The following SHROOM4 variants were observed in gnomAD, a reference collection of about 807,000 sequenced individuals.
SHROOM4 encodes the protein shroom family member 4.
SHROOM4 carries 17 observed loss-of-function variants against 80.3 expected under a neutral mutation model. The ratio of observed to expected loss-of-function variants is 0.21; its 90% confidence interval spans 0.14 to 0.32. The LOEUF is 0.32. SHROOM4 is among the 10% of genes least tolerant of loss of function. The pLI is 1.00. For missense variants in SHROOM4, 993 were observed against 1,140.3 expected (o/e 0.87, Z 1.86); for synonymous variants, 400 against 437.5 (o/e 0.91, Z 1.07).
At chrX:50,623,664 ACT>A (rs1205597415) in intron 5 of SHROOM4, among the ~76,000 whole-genome samples, 6 of 111,464 alleles carry the variant, frequency 5.4e-5, no homozygotes, top group African/African-American at 2.0e-4. Context: ...CAGCAATTTC[ACT>A]CTTAAATATG....
intron 2 of SHROOM4, among the ~76,000 whole-genome samples, chrX:50,675,934 C>T (rs1359651282): frequency 8.9e-6 from 1 of 111,748 alleles, no homozygotes; most frequent in Non-Finnish European, 1.9e-5. Context: ...ACTCCCTTCT[C>T]TTCTATCTCC....
intron 1 of SHROOM4, among the ~76,000 whole-genome samples, chrX:50,802,407 CA>C (rs1569549289): frequency 8.9e-6 from 1 of 111,926 alleles, no homozygotes; most frequent in Non-Finnish European, 1.9e-5. Context: ...TCAGAAGATC[CA>C]AAACTGAACT....
chrX:50,808,229 C>T (rs1936267400), intron 1 of SHROOM4, among the ~76,000 whole-genome samples: 1 of 112,200 alleles, frequency 8.9e-6, no homozygotes, highest in African/African-American at 3.2e-5. Flanking sequence ...CCAGAGGATA[C>T]AGCTAGGACC....
chrX:50,752,784 C>T (rs975432558), intron 1 of SHROOM4, among the ~76,000 whole-genome samples: 2 of 111,726 alleles, frequency 1.8e-5, no homozygotes, highest in Non-Finnish European at 3.8e-5. Context: ...GCCTACAGGC[C>T]CCATTAATTT....
chrX:50,809,698 C>T lies in SHROOM4; in HGVS notation c.117+4204G>A, dbSNP rs1486793304. Among the ~76,000 whole-genome samples the T allele has an allele frequency of 8.0e-5, 9 of 112,276 alleles. No homozygotes were observed. The East Asian group carries it at 2.3e-3, about 28-fold the overall frequency. ...CCAGGGCAGTAACTAGCCCCACTTG[C>T]TTCACTATGCCAGATAGAAACATCT... On this transcript the variant is annotated intron_variant, in intron 1 of 8. Transcript: ENST00000376020.
chrX:50,756,481 CAT>C (rs1935041703), intron 1 of SHROOM4, among the ~76,000 whole-genome samples: 1 of 112,193 alleles, frequency 8.9e-6, no homozygotes, highest in African/African-American at 3.2e-5. Flanking sequence ...TTTGTGCAGA[CAT>C]ATGTTTTCAT....
At chrX:50,728,372 GA>G (rs1259548673) in intron 1 of SHROOM4, among the ~76,000 whole-genome samples, 1 of 110,554 alleles carries the variant, frequency 9.0e-6, no homozygotes, top group Non-Finnish European at 1.9e-5. Context: ...AAAAGAAAAA[GA>G]AAAAAAAGAA....
intron 1 of SHROOM4, among the ~76,000 whole-genome samples, chrX:50,730,832 A>G (rs1365020406): frequency 9.0e-6 from 1 of 111,253 alleles, no homozygotes; most frequent in African/African-American, 3.3e-5. Context: ...TGGGCCTATA[A>G]CATATAGAAA....
intron 1 of SHROOM4, among the ~76,000 whole-genome samples, chrX:50,785,925 T>C (rs1462723650): frequency 9.0e-6 from 1 of 111,604 alleles, no homozygotes; most frequent in African/African-American, 3.3e-5. Context: ...AAAATCAGTA[T>C]CCTGAGTGAC....
chrX:50,602,546 G>T, intron 7 of SHROOM4, 87 bp downstream of exon 7: 1 of 951,003 alleles, frequency 1.1e-6, no homozygotes, highest in Non-Finnish European at 1.5e-6. Flanking sequence ...AATGCGAGAT[G>T]TTCTAGAGAG....
chrX:50,596,535 T>A lies in SHROOM4; in HGVS notation c.*160A>T. ...GCTTCCCCAGGGTCTCCTAGCTGGTTAGGACCACTGCTAGGGAAGGGGTAG... is the reference window on the plus strand; with the variant it reads ...GCTTCCCCAGGGTCTCCTAGCTGGTAAGGACCACTGCTAGGGAAGGGGTAG... On this transcript the variant is annotated 3_prime_UTR_variant, in exon 9 of 9. Coordinates refer to ENST00000376020, the MANE Select transcript of SHROOM4 (RefSeq NM_020717.5). 3 of 724,922 alleles carry A rather than the reference T, an allele frequency of 4.1e-6. No homozygotes were observed. The highest frequency in any genetic ancestry group is 6.2e-6 in the Non-Finnish European group (3 of 480,080). The allele number at this position is 724,922 out of a possible 1,213,427, so 59.7% of individuals were successfully genotyped here.
At chrX:50,580,552 C>G in the SHROOM4 span, among the ~76,000 whole-genome samples, 1 of 112,028 alleles carries the variant, frequency 8.9e-6, no homozygotes, top group Admixed American at 9.4e-5. Flanking sequence ...TTTCTTTATC[C>G]TGGACAAGGT....
At chrX:50,796,663 C>T (rs1936019973) in intron 1 of SHROOM4, among the ~76,000 whole-genome samples, 1 of 111,190 alleles carries the variant, frequency 9.0e-6, no homozygotes, top group Non-Finnish European at 1.9e-5. Flanking sequence ...CAGGAGTGAT[C>T]TTAGAAGCAG....
intron 1 of SHROOM4, among the ~76,000 whole-genome samples, chrX:50,788,476 G>A (rs986939998): frequency 6.8e-4 from 75 of 110,438 alleles, no homozygotes; most frequent in Non-Finnish European, 1.2e-3. Context: ...GCGTGGTGGC[G>A]GGCGCCTGTA....
intron 1 of SHROOM4, among the ~76,000 whole-genome samples, chrX:50,733,986 C>A (rs1478868092): frequency 1.8e-5 from 2 of 111,810 alleles, no homozygotes; most frequent in Non-Finnish European, 3.8e-5. Flanking sequence ...AATAAACAAT[C>A]TGAAAATGAC....
At chrX:50,652,963 A>C (rs1557259114) in intron 2 of SHROOM4, among the ~76,000 whole-genome samples, 1 of 111,567 alleles carries the variant, frequency 9.0e-6, no homozygotes, top group East Asian at 2.8e-4. Flanking sequence ...TGTTTTGGCT[A>C]CTGTAGCCTT....
chrX:50,730,978 T>C (rs782144164), intron 1 of SHROOM4, among the ~76,000 whole-genome samples: 18 of 110,389 alleles, frequency 1.6e-4, no homozygotes, highest in African/African-American at 5.6e-4. Context: ...AATGAGAAGG[T>C]TATTTTTTAA....
intron 2 of SHROOM4, chrX:50,687,090 G>T (rs1260258664): frequency 9.0e-6 from 1 of 111,346 alleles, no homozygotes; most frequent in Non-Finnish European, 1.9e-5. Flanking sequence ...TGTAGACTAC[G>T]ATGGTTCTCT....
At position 50,741,409 on chromosome X, in the gene SHROOM4, T is replaced by C. The variant is rs1449261600; in HGVS notation, c.118-45472A>G. 2.7e-5 allele frequency among the ~76,000 whole-genome samples: 3 copies of C among 110,629 alleles called. No individual in the cohort carries two copies. In the Admixed American group the frequency reaches 2.9e-4, roughly 11 times the overall value. ...GACTAGAGTCAATAATCATATTATA[T>C]ATTTCAAAATAACTAAGAGTAAATT... On this transcript the variant is annotated intron_variant, in intron 1 of 8. Transcript: ENST00000376020.
Sources: gnomAD v4.1 joint callset for allele counts (sites outside exome capture counted in the v4.1 genomes callset) on GRCh38, gnomAD v4.1.1 for gene constraint, MANE v1.5 for transcripts, NCBI Gene and HGNC (gene_info 2026-07-23, HGNC 2026-07-21) for gene names.